The following MYO1F variants were observed in gnomAD, a reference collection of about 807,000 sequenced individuals.
The protein encoded by MYO1F is myosin IF.
MYO1F carries 60 observed loss-of-function variants against 146.6 expected under a neutral mutation model. The ratio of observed to expected loss-of-function variants is 0.41; its 90% CI spans 0.33 to 0.51. The LOEUF is 0.51. MYO1F is among the 20% of genes least tolerant of loss of function. The pLI is 0.25. For synonymous variants in MYO1F, 602 were observed against 602.1 expected (o/e 1.00, Z 0.00); for missense variants, 1,274 against 1,534.3 (o/e 0.83, Z 2.83).
At chr19:8,566,223 A>G (rs2042001309) in intron 1 of MYO1F, among the ~76,000 whole-genome samples, 1 of 128,050 alleles carries the variant, frequency 7.8e-6, no homozygotes, top group Non-Finnish European at 1.5e-5. Flanking sequence ...GCTGGAGTGC[A>G]GTGGCATGAT....
intron 2 of MYO1F, among the ~76,000 whole-genome samples, chr19:8,554,949 C>T (rs576553361): frequency 2.5e-4 from 38 of 151,976 alleles, no homozygotes; most frequent in African/African-American, 7.7e-4. Flanking sequence ...TTTGGAAGGC[C>T]GAGGCAGGCG....
intron 16 of MYO1F, among the ~76,000 whole-genome samples, chr19:8,539,024 G>A (rs150745082): frequency 0.025 from 3,766 of 152,162 alleles, 86 homozygotes; most frequent in African/African-American, 0.062. Flanking sequence ...AGTGGCTCAC[G>A]CCTGTAATCC....
chr19:8,529,894 G>A (rs1381033525), intron 21 of MYO1F: 1 of 547,884 alleles, frequency 1.8e-6, no homozygotes, highest in South Asian at 2.0e-5. Flanking sequence ...CTGTGGGCAG[G>A]TGTGCCTGGG....
rs1488093171 is a variant in MYO1F, at chr19:8,536,493, C to T, written c.1898+6G>A. The T allele has an allele frequency of 5.6e-6, 9 of 1,612,990 alleles. No homozygotes were observed. Among genetic ancestry groups the T allele is most frequent in the African/African-American group, 1.3e-5 (1 of 74,820 alleles). On this transcript the variant is annotated splice_donor_region_variant and intron_variant, in intron 18 of 27. Transcript: ENST00000644032. ...ATGGCGAGGGCGGGGGTGGAGGGCT[C>T]CTCACCTCTGCAGGAATTTGGCGAA...
intron 1 of MYO1F, among the ~76,000 whole-genome samples, chr19:8,561,244 GGGAAAGGT>G (rs1351259285): frequency 3.9e-5 from 6 of 152,026 alleles, no homozygotes; most frequent in Admixed American, 6.6e-5. Context: ...TAACTGTCTG[GGGAAAGGT>G]GTGGAGGTGT....
intron 12 of MYO1F, chr19:8,547,822 A>G: frequency 5.2e-6 from 3 of 572,472 alleles, no homozygotes; most frequent in South Asian, 3.9e-5. Context: ...TGCTCAATAA[A>G]TAATTGCTGA....
intron 25 of MYO1F, 52 bp downstream of exon 25, chr19:8,525,427 C>T: frequency 6.7e-7 from 1 of 1,502,982 alleles, no homozygotes. Flanking sequence ...CTGGCTTAGG[C>T]CATGGGACCC....
At chr19:8,569,791 T>C (rs2042075750) in intron 1 of MYO1F, among the ~76,000 whole-genome samples, 1 of 152,080 alleles carries the variant, frequency 6.6e-6, no homozygotes, top group Non-Finnish European at 1.5e-5. Flanking sequence ...ACACCAGGAT[T>C]CTAGTCTGTT....
At chr19:8,525,243 A>G (rs2145824570) in intron 25 of MYO1F, 2 of 332,070 alleles carry the variant, frequency 6.0e-6, no homozygotes, top group South Asian at 3.0e-5. Context: ...ACAGGGCAGG[A>G]GTGTAGGGTA....
chr19:8,541,781 G>A (rs1432331884), intron 15 of MYO1F, 125 bp downstream of exon 15: 5 of 893,062 alleles, frequency 5.6e-6, no homozygotes, highest in Non-Finnish European at 7.4e-6. Context: ...CATCCTGGCC[G>A]CACAGCCACT....
rs183856570 is a variant in MYO1F at position 8,529,829 on chromosome 19, C to T, written c.2328+367G>A. Reference sequence around the variant, plus strand: ...TACCTGTGGGCAGGTGTGTCTGTGCCGGGTAATGATGTACCTGTGATGGAA... The same window carrying T: ...TACCTGTGGGCAGGTGTGTCTGTGCTGGGTAATGATGTACCTGTGATGGAA... On this transcript the variant is annotated intron_variant, in intron 21 of 27. Transcript: ENST00000644032. The T allele has an allele frequency of 8.8e-4, 379 of 430,062 alleles. 1 individual carries two copies. The highest frequency in any genetic ancestry group is 1.3e-3 in the Non-Finnish European group (297 of 227,870). The allele number at this position is 430,062 out of a possible 1,614,324, so 26.6% of individuals were successfully genotyped here.
chr19:8,542,054 G>T, intron 14 of MYO1F, 63 bp from the exon 15 acceptor site: 1 of 1,325,128 alleles, frequency 7.5e-7, no homozygotes, highest in South Asian at 1.2e-5. Context: ...GGTGGGCGTG[G>T]GGTGCTTACA....
At chr19:8,541,421 G>GTTTTTTTTTTT (rs1336052012) in intron 15 of MYO1F, among the ~76,000 whole-genome samples, 2 of 130,280 alleles carry the variant, frequency 1.5e-5, no homozygotes, top group African/African-American at 5.9e-5. Context: ...GTGTGTGTGT[G>GTTTTTTTTTTT]TGTGTTTTTT....
chr19:8,556,766 T>A (rs1973876215), intron 1 of MYO1F, among the ~76,000 whole-genome samples: 2 of 149,254 alleles, frequency 1.3e-5, no homozygotes, highest in Admixed American at 6.7e-5. Context: ...ACATGCCTGT[T>A]ATCCCAGCTA....
intron 21 of MYO1F, among the ~76,000 whole-genome samples, chr19:8,528,051 G>A (rs1486584265): frequency 6.6e-6 from 1 of 151,480 alleles, no homozygotes; most frequent in Non-Finnish European, 1.5e-5. Flanking sequence ...GTGAAACCCC[G>A]TCTCTACTAA....
Position 8,536,347 on chromosome 19 carries a change from G to C in MYO1F, c.1948C>G (p.Arg650Gly). The C allele has an allele frequency of 6.2e-7, 1 of 1,606,222 alleles. No individual in the cohort carries two copies. The highest frequency in any genetic ancestry group is 8.5e-7 in the Non-Finnish European group (1 of 1,179,796). ...ETWPRWRGDE[R>G]QGVQHLLRAV... ...CGAAGCAGGTGCTGGACGCCCTGGC[G>C]TTCGTCCCCACGCCACCGCGGCCAC... The change falls in exon 19 of 28, where the codon CGC (arginine) becomes GGC (glycine). Residue 650 changes from arginine to glycine, a missense_variant. Physicochemically the swap from Arg to Gly is moderately radical, Grantham distance 125 (BLOSUM62 -2). Around this residue, in one of 2 missense-constraint regions of MYO1F, gnomAD observed 900 missense variants for 1,155.1 expected, o/e 0.78. Coordinates refer to ENST00000644032, the MANE Select transcript of MYO1F (RefSeq NM_012335.4).
chr19:8,527,353 C>T lies in MYO1F; in HGVS notation c.2459G>A (p.Arg820Gln), dbSNP rs771666143. ...CTGGCTTCACCTGAGGGAGACTCCC[C>T]GCAGAGCCTGGATGTCCACTTTCTT... is the stretch of plus-strand genomic sequence containing the variant. ...LKKKVDIQAL[R>Q]GVSLSTRQDD... The change falls in exon 22 of 28, where the codon CGG becomes CAG. Residue 820 changes from arginine (R) to glutamine (Q), a missense_variant. Physicochemically the swap from Arg to Gln is conservative, Grantham distance 43. Around this residue, in one of 2 missense-constraint regions of MYO1F, gnomAD observed 900 missense variants for 1,155.1 expected, o/e 0.78. Coordinates refer to ENST00000644032, the MANE Select transcript of MYO1F (RefSeq NM_012335.4). 7.4e-6 allele frequency: 12 copies of T among 1,613,958 alleles called. No individual in the cohort carries two copies. Among genetic ancestry groups the T allele is most frequent in the Middle Eastern group, 1.6e-4 (1 of 6,066 alleles).
chr19:8,554,873 A>C (rs1183784576), intron 2 of MYO1F, 130 bp from the exon 3 acceptor site: 9 of 878,452 alleles, frequency 1.0e-5, no homozygotes, highest in African/African-American at 1.7e-5. Flanking sequence ...TAATGGATGC[A>C]CCTCGAGTCT....
chr19:8,559,437 C>T (rs568073112), intron 1 of MYO1F, among the ~76,000 whole-genome samples: 139 of 152,124 alleles, frequency 9.1e-4, no homozygotes, highest in African/African-American at 3.0e-3. Flanking sequence ...TAAGCCCAGC[C>T]TTTGGCATAA....
Sources: allele counts gnomAD v4.1 joint callset (sites outside exome capture counted in the v4.1 genomes callset), GRCh38; gene constraint gnomAD v4.1.1; regional missense constraint gnomAD v4.1.1; transcripts MANE v1.5; gene names NCBI Gene and HGNC (gene_info 2026-07-23, HGNC 2026-07-21).